DPF2: variants seen among roughly 807,000 people sequenced by gnomAD.
DPF2 encodes zinc finger protein ubi-d4.
Under a neutral mutation model 59.6 loss-of-function variants are expected in DPF2, and 10 were observed. The ratio of observed to expected loss-of-function variants is 0.17; its 90% confidence interval spans 0.10 to 0.28. DPF2 has a LOEUF of 0.28. Ranked by LOEUF, DPF2 falls within the 10% of genes least tolerant of loss-of-function variation. The pLI, the probability that DPF2 is intolerant of heterozygous loss-of-function variation, is 1.00. For synonymous variants in DPF2, 189 were observed against 190.6 expected (o/e 0.99, Z 0.07); for missense variants, 315 against 509.4 (o/e 0.62, Z 3.67).
Position 65,340,486 on chromosome 11 carries a change from A to G in DPF2, c.134A>G (p.Gln45Arg), listed in dbSNP as rs766779847. Residue 45 changes from glutamine (Q) to arginine (R), a missense_variant, in exon 2 of 11, where the codon CAG becomes CGG. Gln to Arg is a conservative substitution (Grantham distance 43, BLOSUM62 1). Around this residue, in one of 4 missense-constraint regions of DPF2, gnomAD observed 228 missense variants for 275.3 expected, o/e 0.83. Transcript: ENST00000528416. ...RSVRLPFLDS[Q>R]TGVAQSNCYI... is the part of the protein sequence containing the mutation. ...GTGCGCCTGCCTTTCTTGGACTCAC[A>G]GACCGGAGTAGCCCAGAGCAATTGT... 1 of 1,614,266 alleles carries G rather than the reference A, an allele frequency of 6.2e-7. No homozygotes were observed. The highest frequency in any genetic ancestry group is 8.5e-7 in the Non-Finnish European group (1 of 1,180,050).
chr11:65,346,125 A>C, intron 8 of DPF2, 67 bp downstream of exon 8: 1 of 1,606,108 alleles, frequency 6.2e-7, no homozygotes, highest in Middle Eastern at 1.7e-4. Context: ...GCTGGCCTCT[A>C]GGGCTGTCAT....
At chr11:65,343,486 T>C in intron 4 of DPF2, 1 of 484,692 alleles carries the variant, frequency 2.1e-6, no homozygotes, top group Non-Finnish European at 3.7e-6. Context: ...AGCATGCTAT[T>C]TGATTTGGCC....
chr11:65,337,488 T>A lies in DPF2; in HGVS notation c.33-2897T>A, dbSNP rs1565527432. Among the ~76,000 whole-genome samples the A allele has an allele frequency of 2.3e-4, 14 of 62,014 alleles. 1 individual carries two copies. The highest frequency in any genetic ancestry group is 7.3e-4 in the African/African-American group (11 of 15,166). The allele number at this position is 62,014 out of a possible 152,430, so 40.7% of individuals were successfully genotyped here. A position where few individuals can be genotyped will look rare whatever the true frequency, so the allele number is the denominator to read the frequency against. On this transcript the variant is annotated intron_variant, in intron 1 of 10. Transcript: ENST00000528416. ...AAAAAAAAAAAAATATATATATATA[T>A]ATATATATATATATATAGAGAGAGA...
intron 10 of DPF2, 132 bp from the exon 11 acceptor site, chr11:65,351,551 T>G: frequency 1.4e-6 from 1 of 739,482 alleles, no homozygotes; most frequent in Non-Finnish European, 2.4e-6. Flanking sequence ...CATGGAACTT[T>G]CCTGCTGCAG....
At position 65,353,394 on chromosome 11, in the gene DPF2, T is replaced by C. The variant is rs529331177; in HGVS notation, c.*1635T>C. ...GGACCAGAAGTTTATATAAATATAA[T>C]TAATAAGCAAACTAATGACATCACC... On this transcript the variant is annotated 3_prime_UTR_variant, in exon 11 of 11. Transcript: ENST00000528416. 2 of 152,248 alleles carry C rather than the reference T, an allele frequency of 1.3e-5. No individual in the cohort carries two copies. Among genetic ancestry groups the C allele is most frequent in the South Asian group, 4.1e-4 (2 of 4,822 alleles). 9.4% of individuals were successfully genotyped at this position (152,248 alleles called of 1,614,324 possible). A position where few individuals can be genotyped will look rare whatever the true frequency, so the allele number is the denominator to read the frequency against.
rs762578638 is a variant in DPF2, at chr11:65,345,658, C to T, written c.638-8C>T. The T allele has an allele frequency of 1.2e-6, 2 of 1,614,006 alleles. No homozygotes were observed. Among genetic ancestry groups the T allele is most frequent in the Admixed American group, 3.3e-5 (2 of 60,008 alleles). ...AACACCTTTCTCTGCAATCTTCTTC[C>T]CACTCAGTTTGTGGAAAACGTTACA... is the stretch of plus-strand genomic sequence containing the variant. On this transcript the variant is annotated splice_polypyrimidine_tract_variant and splice_region_variant and intron_variant, in intron 6 of 10. Transcript: ENST00000528416.
chr11:65,351,130 T>A (rs1376536752), intron 10 of DPF2, among the ~76,000 whole-genome samples: 1 of 152,120 alleles, frequency 6.6e-6, no homozygotes, highest in African/African-American at 2.4e-5. Context: ...CATTTTTGAG[T>A]CACCTGTTTC....
chr11:65,344,660 C>T, intron 6 of DPF2: 2 of 1,530,840 alleles, frequency 1.3e-6, no homozygotes, highest in Non-Finnish European at 8.8e-7. Context: ...GTTTTCCTTT[C>T]CCTTTTTCCC....
At chr11:65,334,256 C>T (rs968552258) in intron 1 of DPF2, among the ~76,000 whole-genome samples, 4 of 152,328 alleles carry the variant, frequency 2.6e-5, no homozygotes, top group African/African-American at 9.6e-5. Context: ...ACGCCTCAGT[C>T]CGGAGGAGCG....
intron 8 of DPF2, 91 bp from the exon 9 acceptor site, chr11:65,346,156 C>T: frequency 6.3e-7 from 1 of 1,596,996 alleles, no homozygotes; most frequent in Non-Finnish European, 8.5e-7. Context: ...CCTCGCTTTT[C>T]CTAACCAAGA....
intron 9 of DPF2, 161 bp from the exon 10 acceptor site, chr11:65,348,689 G>C (rs1854609338): frequency 1.9e-6 from 1 of 538,522 alleles, no homozygotes; most frequent in Non-Finnish European, 3.3e-6. Flanking sequence ...AAATGACAGT[G>C]ACTGGATCTG....
In DPF2 at chr11:65,334,804, T is replaced by C. The variant is rs534586738; in HGVS notation, c.32+886T>C. Among the ~76,000 whole-genome samples the C allele has an allele frequency of 4.6e-5, 7 of 152,294 alleles. No homozygotes were observed. The South Asian group carries it at 1.0e-3, about 23-fold the overall frequency. The stretch of plus-strand genomic sequence containing the variant: ...GGTGGGCGAATAGAGCTTCTTTTAA[T>C]GGGTATGTTGGGCTTGGTGCAAGGG... On this transcript the variant is annotated intron_variant, in intron 1 of 10. Transcript: ENST00000528416.
At chr11:65,337,011 C>A (rs1055359086) in intron 1 of DPF2, among the ~76,000 whole-genome samples, 1 of 151,678 alleles carries the variant, frequency 6.6e-6, no homozygotes, top group African/African-American at 2.4e-5. Context: ...TCGCTTGAAC[C>A]CAGGAGAGAT....
intron 1 of DPF2, among the ~76,000 whole-genome samples, chr11:65,336,203 A>T (rs1003281376): frequency 3.9e-5 from 6 of 151,998 alleles, no homozygotes; most frequent in African/African-American, 1.4e-4. Context: ...TCAGAAATGA[A>T]AGTCTTGGCT....
chr11:65,343,508 T>G, intron 4 of DPF2: 1 of 535,684 alleles, frequency 1.9e-6, no homozygotes, highest in Non-Finnish European at 3.3e-6. Flanking sequence ...TGTGGCATGG[T>G]GGGGAAAGCA....
chr11:65,351,016 T>G (rs771267080), intron 10 of DPF2, among the ~76,000 whole-genome samples: 11 of 150,430 alleles, frequency 7.3e-5, no homozygotes, highest in Non-Finnish European at 1.2e-4. Context: ...AAAAAAAAAA[T>G]GCATGAGACT....
intron 2 of DPF2, 85 bp from the exon 3 acceptor site, chr11:65,340,880 AG>A (rs1209358800): frequency 1.5e-6 from 2 of 1,342,146 alleles, no homozygotes; most frequent in Non-Finnish European, 1.0e-6. Flanking sequence ...TAGAACTCAA[AG>A]GGGGGCCTAC....
chr11:65,341,618 A>T (rs1004462823), intron 4 of DPF2, 56 bp downstream of exon 4: 8 of 1,602,036 alleles, frequency 5.0e-6, no homozygotes, highest in Non-Finnish European at 4.3e-6. Flanking sequence ...CCTCCTCTTC[A>T]CTGGGGGCCA....
In DPF2 at chr11:65,341,427, G is replaced by A. The variant is rs374973318; in HGVS notation, c.330G>A (p.Gly110=). 2 of 1,614,106 alleles carry A rather than the reference G, an allele frequency of 1.2e-6. No individual in the cohort carries two copies. The highest frequency in any genetic ancestry group is 3.3e-5 in the Admixed American group (2 of 60,004). The change falls in exon 4 of 11, where the codon GGG becomes GGA. Residue 110 remains glycine (G), a synonymous_variant. Coordinates refer to ENST00000528416, the MANE Select transcript of DPF2 (RefSeq NM_006268.5). ...CAGACCAGACCCTGAAGAAGGAGGGGCTGATCTCTCAGGATGGCAGTAGTT... is the reference window on the plus strand; with the variant it reads ...CAGACCAGACCCTGAAGAAGGAGGGACTGATCTCTCAGGATGGCAGTAGTT... ...PDTDQTLKKE[G]LISQDGSSLE...
Sources: allele counts gnomAD v4.1 joint callset (sites outside exome capture counted in the v4.1 genomes callset), GRCh38; gene constraint gnomAD v4.1.1; regional missense constraint gnomAD v4.1.1; transcripts MANE v1.5; gene names NCBI Gene and HGNC (gene_info 2026-07-23, HGNC 2026-07-21).